The following SIL1 variants were observed in gnomAD, a reference collection of about 807,000 sequenced individuals.
SIL1 encodes SIL1 nucleotide exchange factor.
SIL1 carries 40 observed loss-of-function variants against 49.1 expected under a neutral mutation model. The observed-to-expected ratio is 0.81, with a 90% CI of 0.63 to 1.06. The LOEUF is 1.06. SIL1 is among the 50% of genes least tolerant of loss of function. SIL1 has a pLI of 0.00. For missense variants in SIL1, 500 were observed against 572.6 expected (o/e 0.87, Z 1.29); for synonymous variants, 253 against 250.8 (o/e 1.01, Z -0.08).
At chr5:139,052,902 G>A (rs1769324625) in intron 3 of SIL1, among the ~76,000 whole-genome samples, 1 of 152,170 alleles carries the variant, frequency 6.6e-6, no homozygotes, top group South Asian at 2.1e-4. Context: ...GGCTGTGGGG[G>A]CTGCTGGCTT....
In SIL1 at chr5:139,058,693, T is replaced by C. The variant is rs985579665; in HGVS notation, c.245-7647A>G. Among the ~76,000 whole-genome samples the C allele has an allele frequency of 9.8e-5, 15 of 152,316 alleles. No individual in the cohort carries two copies. In the East Asian group the frequency reaches 2.5e-3, roughly 25 times the overall value. On this transcript the variant is annotated intron_variant, in intron 3 of 9. Transcript: ENST00000394817. ...CTTCAGGTTGGCTCTTACATTCCTT[T>C]GAAAAACCCTTCCTCCCCACCATCA...
At chr5:139,162,613 G>A (rs112930484) in intron 1 of SIL1, among the ~76,000 whole-genome samples, 4 of 152,272 alleles carry the variant, frequency 2.6e-5, no homozygotes, top group African/African-American at 9.6e-5. Flanking sequence ...ATTTATTTAA[G>A]GAACAAAGCA....
At chr5:139,039,105 A>G (rs1005678907) in intron 5 of SIL1, among the ~76,000 whole-genome samples, 1 of 152,220 alleles carries the variant, frequency 6.6e-6, no homozygotes, top group Non-Finnish European at 1.5e-5. Context: ...GAGAGTATCC[A>G]TTGGGCAGAG....
At chr5:138,956,460 T>C (rs1368275211) in intron 7 of SIL1, among the ~76,000 whole-genome samples, 2 of 152,140 alleles carry the variant, frequency 1.3e-5, no homozygotes, top group Non-Finnish European at 2.9e-5. Context: ...ATACAAACAA[T>C]TGGCTGGGCG....
intron 3 of SIL1, among the ~76,000 whole-genome samples, chr5:139,098,562 GCA>G (rs1770518899): frequency 1.3e-5 from 2 of 151,976 alleles, no homozygotes; most frequent in South Asian, 4.2e-4. Flanking sequence ...TACCACACAA[GCA>G]CAAATAACCA....
chr5:139,110,329 AC>A lies in SIL1; in HGVS notation c.244+10705del, dbSNP rs542504298. Among the ~76,000 whole-genome samples the A allele has an allele frequency of 1.8e-3, 276 of 152,160 alleles. 1 individual carries two copies. Among genetic ancestry groups the A allele is most frequent in the Non-Finnish European group, 2.7e-3 (186 of 67,998 alleles). On this transcript the variant is annotated intron_variant, in intron 3 of 9. Coordinates refer to ENST00000394817, the MANE Select transcript of SIL1 (RefSeq NM_022464.5). ...TAAGGAAAAAGAACTTTACAAATAT[AC>A]CATATTACTATTCCTTAAAAACTCA...
intron 7 of SIL1, among the ~76,000 whole-genome samples, chr5:138,963,724 A>G (rs1455870376): frequency 6.6e-6 from 1 of 152,266 alleles, no homozygotes; most frequent in Non-Finnish European, 1.5e-5. Flanking sequence ...GTATTTGGAA[A>G]GATCTTTAAG....
chr5:139,031,861 AT>A (rs1768800062), intron 5 of SIL1, among the ~76,000 whole-genome samples: 1 of 152,174 alleles, frequency 6.6e-6, no homozygotes, highest in Non-Finnish European at 1.5e-5. Flanking sequence ...TAAATATTTC[AT>A]TTTTAGGGGA....
intron 1 of SIL1, among the ~76,000 whole-genome samples, chr5:139,178,438 C>G (rs1409284774): frequency 6.6e-6 from 1 of 152,108 alleles, no homozygotes; most frequent in Admixed American, 6.5e-5. Context: ...AATGCCATGC[C>G]ACAGCTGACA....
chr5:139,032,501 T>G (rs1385699402), intron 5 of SIL1, among the ~76,000 whole-genome samples: 2 of 152,224 alleles, frequency 1.3e-5, no homozygotes, highest in Non-Finnish European at 2.9e-5. Flanking sequence ...TGTTTCCATG[T>G]TCGTGAGGAA....
chr5:138,999,441 C>G (rs1767941556), intron 7 of SIL1, among the ~76,000 whole-genome samples: 1 of 152,078 alleles, frequency 6.6e-6, no homozygotes, highest in Non-Finnish European at 1.5e-5. Flanking sequence ...TGGCCTCAAG[C>G]AATCCTCAAG....
At chr5:139,010,021 T>C (rs1309060993) in intron 7 of SIL1, among the ~76,000 whole-genome samples, 85 of 152,000 alleles carry the variant, frequency 5.6e-4, no homozygotes, top group African/African-American at 1.9e-3. Flanking sequence ...CCTTGCTAGA[T>C]TGGGGAAGTT....
At chr5:139,099,900 T>A (rs1298272072) in intron 3 of SIL1, among the ~76,000 whole-genome samples, 12 of 152,194 alleles carry the variant, frequency 7.9e-5, no homozygotes, top group Non-Finnish European at 5.9e-5. Context: ...AATAATAATC[T>A]AATTGTACAT....
chr5:139,105,664 G>A lies in SIL1; in HGVS notation c.244+15371C>T, dbSNP rs555967375. 2.4e-4 allele frequency among the ~76,000 whole-genome samples: 37 copies of A among 152,282 alleles called. 1 individual carries two copies. Among genetic ancestry groups the A allele is most frequent in the Admixed American group, 1.5e-3 (23 of 15,294 alleles). ...GGGAGTGCAGACATTCCCTCCCGGC[G>A]GCCTGCTCAGAGGCAGGCTGTGAGC... On this transcript the variant is annotated intron_variant, in intron 3 of 9. Transcript: ENST00000394817.
chr5:138,994,942 A>G (rs1767831744), intron 7 of SIL1, among the ~76,000 whole-genome samples: 1 of 152,126 alleles, frequency 6.6e-6, no homozygotes, highest in Non-Finnish European at 1.5e-5. Context: ...GCTCCCACTT[A>G]TAAGTGATAA....
At chr5:139,066,591 T>A (rs574807685) in intron 3 of SIL1, among the ~76,000 whole-genome samples, 41 of 152,366 alleles carry the variant, frequency 2.7e-4, no homozygotes, top group African/African-American at 9.9e-4. Flanking sequence ...CATTTTCTCT[T>A]AGTCATTTGG....
At chr5:139,169,622 C>A (rs1489161435) in intron 1 of SIL1, among the ~76,000 whole-genome samples, 3 of 151,914 alleles carry the variant, frequency 2.0e-5, no homozygotes, top group African/African-American at 7.3e-5. Flanking sequence ...GCTGGGACTA[C>A]AGGTGCACAC....
intron 2 of SIL1, among the ~76,000 whole-genome samples, chr5:139,126,378 C>T (rs1057012233): frequency 6.6e-6 from 1 of 152,206 alleles, no homozygotes; most frequent in Non-Finnish European, 1.5e-5. Context: ...CTTCCTAACT[C>T]GGTCCTTAAG....
At chr5:139,110,717 G>A (rs1220300387) in intron 3 of SIL1, among the ~76,000 whole-genome samples, 1 of 152,216 alleles carries the variant, frequency 6.6e-6, no homozygotes, top group Admixed American at 6.5e-5. Flanking sequence ...GTGGCTAGTG[G>A]GGTGCCACCC....
Sources: allele counts gnomAD v4.1 joint callset (sites outside exome capture counted in the v4.1 genomes callset), GRCh38; gene constraint gnomAD v4.1.1; transcripts MANE v1.5; gene names NCBI Gene and HGNC (gene_info 2026-07-23, HGNC 2026-07-21).